ALK: variants seen among roughly 807,000 people sequenced by gnomAD.
ALK encodes the protein ALK tyrosine kinase receptor.
ALK carries 74 observed loss-of-function variants against 163.1 expected under a neutral mutation model. The ratio of observed to expected loss-of-function variants is 0.45; its 90% CI spans 0.38 to 0.55. ALK has a LOEUF of 0.55. ALK is among the 20% of genes least tolerant of loss of function. ALK has a pLI of 0.00. For synonymous variants in ALK, 960 were observed against 843.2 expected (o/e 1.14, Z -2.40); for missense variants, 2,063 against 2,105.3 (o/e 0.98, Z 0.39).
intron 12 of ALK, among the ~76,000 whole-genome samples, chr2:29,248,213 C>T (rs1484218807): frequency 6.6e-6 from 1 of 152,128 alleles, no homozygotes; most frequent in African/African-American, 2.4e-5. Context: ...TGGTGGCTCA[C>T]ATCTATAATC....
intron 4 of ALK, among the ~76,000 whole-genome samples, chr2:29,389,082 C>T (rs1402780979): frequency 6.6e-6 from 1 of 152,166 alleles, no homozygotes; most frequent in African/African-American, 2.4e-5. Context: ...GAGTCGCATT[C>T]CATTTCTCAG....
At chr2:29,312,167 C>A (rs1666714762) in intron 8 of ALK, among the ~76,000 whole-genome samples, 2 of 152,070 alleles carry the variant, frequency 1.3e-5, no homozygotes, top group South Asian at 4.1e-4. Flanking sequence ...AGGCAGGCTC[C>A]AGCCTTGGTC....
intron 22 of ALK, 71 bp from the exon 23 acceptor site, chr2:29,220,906 C>T (rs2148166918): frequency 6.2e-7 from 1 of 1,600,214 alleles, no homozygotes; most frequent in Non-Finnish European, 8.5e-7. Flanking sequence ...CTGGGAGGAA[C>T]AGGATACAAA....
chr2:29,391,537 G>T lies in ALK; in HGVS notation c.1155-7678C>A, dbSNP rs1030775784. ...GTTGGTCTTAAACTCCTGACCTCAG[G>T]TGATCCGCCCACCTTGGCCTCCCAA... On this transcript the variant is annotated intron_variant, in intron 4 of 28. Transcript: ENST00000389048. 3.3e-5 allele frequency among the ~76,000 whole-genome samples: 5 copies of T among 152,116 alleles called. No individual in the cohort carries two copies. The East Asian group carries it at 9.6e-4, about 29-fold the overall frequency.
intron 6 of ALK, 37 bp from the exon 7 acceptor site, chr2:29,320,919 A>C (rs762288695): frequency 1.2e-6 from 2 of 1,613,986 alleles, no homozygotes; most frequent in Non-Finnish European, 1.7e-6. Flanking sequence ...CATTTTCAGG[A>C]CCACTAAAGG....
chr2:29,224,037 C>G (rs2148172556), intron 19 of ALK: 1 of 256,946 alleles, frequency 3.9e-6, no homozygotes, highest in East Asian at 5.6e-5. Context: ...GAGCCAAAGT[C>G]AGTCATCAGA....
Position 29,920,005 on chromosome 2 carries a change from T to C in ALK, c.655A>G (p.Ile219Val), listed in dbSNP as rs886055932. 3.1e-6 allele frequency: 5 copies of C among 1,613,814 alleles called. No homozygotes were observed. The highest frequency in any genetic ancestry group is 4.2e-6 in the Non-Finnish European group (5 of 1,179,950). ...GGGAGCTGCTCACCAGTCCCGAAGA[T>C]CTGGAAGAGAAGGCGGGGCTGGGAG... ...RASQPRLLFQ[I>V]FGTGHSSLES... The change falls in exon 1 of 29, where the codon ATC becomes GTC. Residue 219 changes from isoleucine (I) to valine (V), a missense_variant. Transcript: ENST00000389048.
intron 1 of ALK, among the ~76,000 whole-genome samples, chr2:29,889,390 C>T (rs548857749): frequency 6.6e-6 from 1 of 152,116 alleles, no homozygotes; most frequent in East Asian, 1.9e-4. Flanking sequence ...AGCAGGATTA[C>T]AGGAAATGTA....
At chr2:29,886,965 AC>A (rs2148421917) in intron 1 of ALK, among the ~76,000 whole-genome samples, 1 of 152,204 alleles carries the variant, frequency 6.6e-6, no homozygotes, top group South Asian at 2.1e-4. Flanking sequence ...GAATATTTTA[AC>A]CCACCCAAGC....
intron 6 of ALK, among the ~76,000 whole-genome samples, chr2:29,324,127 G>T (rs1016313719): frequency 2.6e-5 from 4 of 152,178 alleles, no homozygotes; most frequent in African/African-American, 9.7e-5. Flanking sequence ...TATTTCATTG[G>T]CTGGATGGCC....
intron 4 of ALK, among the ~76,000 whole-genome samples, chr2:29,421,447 G>A (rs1436444905): frequency 6.6e-6 from 1 of 151,522 alleles, no homozygotes; most frequent in East Asian, 1.9e-4. Flanking sequence ...CATGCTGACA[G>A]CTGAGAACAT....
At chr2:29,603,712 C>T (rs1181026454) in intron 3 of ALK, among the ~76,000 whole-genome samples, 1 of 152,096 alleles carries the variant, frequency 6.6e-6, no homozygotes, top group Admixed American at 6.5e-5. Flanking sequence ...GCCCAGCAAG[C>T]TCAGCACCAT....
chr2:29,861,976 C>A (rs1420390483), intron 1 of ALK, among the ~76,000 whole-genome samples: 1 of 152,076 alleles, frequency 6.6e-6, no homozygotes, highest in Non-Finnish European at 1.5e-5. Flanking sequence ...GCTCAAAATA[C>A]ACAAATCAAT....
chr2:29,281,649 G>C (rs529417230), intron 9 of ALK, among the ~76,000 whole-genome samples: 1 of 152,280 alleles, frequency 6.6e-6, no homozygotes, highest in Non-Finnish European at 1.5e-5. Context: ...GGCTGGCTTT[G>C]CATAAAGAAT....
chr2:29,822,987 T>G (rs1665090215), intron 1 of ALK, among the ~76,000 whole-genome samples: 1 of 152,234 alleles, frequency 6.6e-6, no homozygotes, highest in Non-Finnish European at 1.5e-5. Flanking sequence ...ATGGTTTGAC[T>G]GTGTCCCCAC....
At chr2:29,634,202 A>G (rs372508085) in intron 3 of ALK, among the ~76,000 whole-genome samples, 2 of 151,802 alleles carry the variant, frequency 1.3e-5, no homozygotes, top group African/African-American at 4.8e-5. Context: ...GGTTCAAGTG[A>G]TTCTCCTGCC....
chr2:29,739,337 A>G (rs1679985701), intron 1 of ALK, among the ~76,000 whole-genome samples: 1 of 150,956 alleles, frequency 6.6e-6, no homozygotes, highest in Non-Finnish European at 1.5e-5. Flanking sequence ...AGGCGGGTAG[A>G]TCACAAGGCC....
intron 12 of ALK, among the ~76,000 whole-genome samples, chr2:29,248,658 G>C (rs534590502): frequency 6.6e-6 from 1 of 152,354 alleles, no homozygotes; most frequent in East Asian, 1.9e-4. Flanking sequence ...ATATTTCAAA[G>C]AGATGAGTGG....
At chr2:29,292,667 A>G (rs1449675970) in intron 9 of ALK, among the ~76,000 whole-genome samples, 2 of 152,260 alleles carry the variant, frequency 1.3e-5, no homozygotes, top group African/African-American at 4.8e-5. Context: ...ATCTGTATTC[A>G]GAGGACATTG....
Sources: gnomAD v4.1 joint callset for allele counts (sites outside exome capture counted in the v4.1 genomes callset) on GRCh38, gnomAD v4.1.1 for gene constraint, MANE v1.5 for transcripts, NCBI Gene and HGNC (gene_info 2026-07-23, HGNC 2026-07-21) for gene names.